The following DPP10 variants were observed in gnomAD, a reference collection of about 807,000 sequenced individuals.
DPP10 encodes the protein dipeptidyl peptidase like 10.
DPP10 carries 33 observed loss-of-function variants against 120.9 expected under a neutral mutation model. The observed-to-expected ratio is 0.27, with a 90% CI of 0.21 to 0.37. The LOEUF (loss-of-function observed/expected upper bound fraction) is 0.37, where lower values mean the gene tolerates loss of function less well. Among genes scored for constraint, DPP10 ranks in the 10% least tolerant of loss-of-function variants. The pLI, the probability that DPP10 is intolerant of heterozygous loss-of-function variation, is 1.00. For synonymous variants in DPP10, 337 were observed against 326.1 expected, an observed-to-expected ratio of 1.03 and a Z score of -0.36; for missense variants, 816 against 942.8, an observed-to-expected ratio of 0.87 and a Z score of 1.76.
intron 1 of DPP10, among the ~76,000 whole-genome samples, chr2:114,942,287 G>GTATATATATACATATATA (rs1558903632): frequency 6.2e-5 from 7 of 112,800 alleles, no homozygotes; most frequent in African/African-American, 2.7e-4. Flanking sequence ...AAAAAAATGT[G>GTATATATATACATATATA]TATATATATA....
At chr2:115,231,964 C>A (rs573484400) in intron 1 of DPP10, among the ~76,000 whole-genome samples, 69 of 152,258 alleles carry the variant, frequency 4.5e-4, no homozygotes, top group South Asian at 2.3e-3. Context: ...AGTTTTATGC[C>A]CCCTAAAGAA....
At chr2:115,283,856 A>G (rs1026828254) in intron 1 of DPP10, among the ~76,000 whole-genome samples, 1 of 152,004 alleles carries the variant, frequency 6.6e-6, no homozygotes, top group Non-Finnish European at 1.5e-5. Context: ...AAGTGTTACA[A>G]CTGCCTGTAG....
chr2:115,081,864 C>A (rs1385867921), intron 1 of DPP10, among the ~76,000 whole-genome samples: 1 of 152,194 alleles, frequency 6.6e-6, no homozygotes, highest in Non-Finnish European at 1.5e-5. Context: ...CTCAGTTTAT[C>A]AAGAAGGAGT....
intron 3 of DPP10, among the ~76,000 whole-genome samples, chr2:115,433,702 G>C (rs1246491480): frequency 6.6e-6 from 1 of 151,844 alleles, no homozygotes; most frequent in Non-Finnish European, 1.5e-5. Context: ...TGCACAAATT[G>C]AATACACTCA....
chr2:114,635,093 G>A (rs1695210431), intron 1 of DPP10, among the ~76,000 whole-genome samples: 1 of 151,718 alleles, frequency 6.6e-6, no homozygotes, highest in Non-Finnish European at 1.5e-5. Flanking sequence ...TCTAGCTGAA[G>A]TGAGTTTTAC....
At chr2:115,595,292 A>G (rs1428790869) in intron 5 of DPP10, among the ~76,000 whole-genome samples, 2 of 152,100 alleles carry the variant, frequency 1.3e-5, no homozygotes, top group African/African-American at 4.8e-5. Context: ...ATCTGTTACT[A>G]TCTCTTACTA....
intron 5 of DPP10, among the ~76,000 whole-genome samples, chr2:115,622,831 T>TC (rs796830820): frequency 1.1e-3 from 133 of 120,442 alleles, no homozygotes; most frequent in African/African-American, 3.4e-3. Flanking sequence ...CGTTTATTCT[T>TC]TTTTTTTTTT....
chr2:115,162,084 C>T (rs1316582684), intron 1 of DPP10: 1 of 1,490,190 alleles, frequency 6.7e-7, no homozygotes, highest in Non-Finnish European at 8.9e-7. Context: ...CCAGTGCGCG[C>T]TCCGCCCGCC....
At chr2:115,712,432 C>T (rs2092348807) in intron 7 of DPP10, among the ~76,000 whole-genome samples, 1 of 150,516 alleles carries the variant, frequency 6.6e-6, no homozygotes. Context: ...AGGCCACAGA[C>T]TGGTCCATGG....
intron 1 of DPP10, among the ~76,000 whole-genome samples, chr2:114,504,388 C>T (rs1683452608): frequency 6.6e-6 from 1 of 152,058 alleles, no homozygotes; most frequent in Non-Finnish European, 1.5e-5. Flanking sequence ...GAAGGTCATC[C>T]TCAGTTTTGC....
chr2:115,297,658 G>A (rs2105958471), intron 1 of DPP10, among the ~76,000 whole-genome samples: 1 of 152,166 alleles, frequency 6.6e-6, no homozygotes, highest in South Asian at 2.1e-4. Context: ...GTGGACAAGA[G>A]TCTAGTCTGT....
At chr2:115,792,524 C>T (rs943152093) in intron 19 of DPP10, among the ~76,000 whole-genome samples, 3 of 152,042 alleles carry the variant, frequency 2.0e-5, no homozygotes, top group African/African-American at 4.8e-5. Flanking sequence ...TATAGTTTCT[C>T]ATATCCAAAC....
chr2:115,294,879 C>T (rs1559379205), intron 1 of DPP10, among the ~76,000 whole-genome samples: 2 of 152,042 alleles, frequency 1.3e-5, no homozygotes, highest in South Asian at 2.1e-4. Context: ...GGCAGATGGG[C>T]TGTCCCTCCC....
Position 115,573,317 on chromosome 2 carries a change from C to G in DPP10, c.441+47345C>G, listed in dbSNP as rs533596999. ...TTTTTTTTTGAGAAGGAGTCTTGCT[C>G]TGTCGCCCAGGCTGGAGTGCAGTTG... On this transcript the variant is annotated intron_variant, in intron 5 of 25. Transcript: ENST00000410059. Among the ~76,000 whole-genome samples the G allele has an allele frequency of 2.3e-3, 279 of 123,394 alleles. 2 individuals carry two copies. The highest frequency in any genetic ancestry group is 8.2e-3 in the African/African-American group (263 of 32,174). 81.0% of individuals were successfully genotyped at this position (123,394 alleles called of 152,430 possible). A position where few individuals can be genotyped will look rare whatever the true frequency, so the allele number is the denominator to read the frequency against.
At chr2:115,532,171 T>C (rs565902488) in intron 5 of DPP10, among the ~76,000 whole-genome samples, 6 of 152,170 alleles carry the variant, frequency 3.9e-5, no homozygotes, top group Admixed American at 1.3e-4. Context: ...GGCACAAACA[T>C]TTTTTGGGTG....
At position 115,745,755 on chromosome 2, in the gene DPP10, AGTTT is replaced by A. The variant is rs368358143; in HGVS notation, c.853-304_853-301del. Among the ~76,000 whole-genome samples, 484 of 140,000 alleles carry A rather than the reference AGTTT, an allele frequency of 3.5e-3. 10 individuals carry two copies. The highest frequency in any genetic ancestry group is 7.1e-3 in the African/African-American group (288 of 40,436). 91.8% of individuals were successfully genotyped at this position (140,000 alleles called of 152,430 possible). A position where few individuals can be genotyped will look rare whatever the true frequency, so the allele number is the denominator to read the frequency against. Reference sequence around the variant, plus strand: ...AATGTGAATAACTACTTGATCTACTAGTTTGTTTGTTTGTTTGTTTGTTTGTTTG... The same window carrying A: ...AATGTGAATAACTACTTGATCTACTAGTTTGTTTGTTTGTTTGTTTGTTTG... On this transcript the variant is annotated intron_variant, in intron 9 of 25. Transcript: ENST00000410059.
At chr2:115,382,844 G>A (rs1347370044) in intron 3 of DPP10, among the ~76,000 whole-genome samples, 1 of 152,172 alleles carries the variant, frequency 6.6e-6, no homozygotes, top group African/African-American at 2.4e-5. Context: ...GACACAAAAT[G>A]CTGAGGATGG....
At chr2:114,538,108 G>T (rs1686661858) in intron 1 of DPP10, among the ~76,000 whole-genome samples, 1 of 152,158 alleles carries the variant, frequency 6.6e-6, no homozygotes, top group Non-Finnish European at 1.5e-5. Flanking sequence ...ATAAATTAAG[G>T]ATTTGTTCAG....
intron 19 of DPP10, among the ~76,000 whole-genome samples, chr2:115,798,957 T>G (rs1213091446): frequency 6.6e-6 from 1 of 152,092 alleles, no homozygotes; most frequent in East Asian, 1.9e-4. Flanking sequence ...CTTTGTAGCC[T>G]GTATGATTAG....
Sources: allele counts gnomAD v4.1 joint callset (sites outside exome capture counted in the v4.1 genomes callset), GRCh38; gene constraint gnomAD v4.1.1; transcripts MANE v1.5; gene names NCBI Gene and HGNC (gene_info 2026-07-23, HGNC 2026-07-21).